The following ESRRG variants were observed in gnomAD, a reference collection of about 807,000 sequenced individuals.
The protein encoded by ESRRG is estrogen related receptor gamma.
ESRRG carries 13 observed loss-of-function variants against 44.0 expected under a neutral mutation model. The observed-to-expected ratio is 0.30, with a 90% CI of 0.19 to 0.47. The LOEUF (loss-of-function observed/expected upper bound fraction) is 0.47, where lower values mean the gene tolerates loss of function less well. Ranked by LOEUF, ESRRG falls within the 20% of genes least tolerant of loss-of-function variation. ESRRG has a pLI of 1.00. For synonymous variants in ESRRG, 215 were observed against 214.6 expected, an observed-to-expected ratio of 1.00 and a Z score of -0.02; for missense variants, 395 against 580.6, an observed-to-expected ratio of 0.68 and a Z score of 3.29.
chr1:216,508,716 G>GA (rs1398187337), intron 6 of ESRRG, among the ~76,000 whole-genome samples: 1 of 152,158 alleles, frequency 6.6e-6, no homozygotes, highest in African/African-American at 2.4e-5. Context: ...CTTAGGGACA[G>GA]AAAAACATTC....
chr1:217,062,200 A>G (rs6684903), intron 1 of ESRRG, among the ~76,000 whole-genome samples: 38,384 of 151,922 alleles, frequency 0.25, 5,038 homozygotes, highest in Admixed American at 0.34. Context: ...TAATATTTGG[A>G]ATGTCACGCA....
At chr1:216,624,864 T>C (rs1295435071) in intron 3 of ESRRG, among the ~76,000 whole-genome samples, 1 of 152,200 alleles carries the variant, frequency 6.6e-6, no homozygotes, top group East Asian at 1.9e-4. Context: ...GTACTCTAAA[T>C]ATTAATTAAG....
intron 2 of ESRRG, among the ~76,000 whole-genome samples, chr1:216,845,498 T>C (rs2095729784): frequency 6.6e-6 from 1 of 152,200 alleles, no homozygotes; most frequent in Non-Finnish European, 1.5e-5. Flanking sequence ...AAGAAAAGTC[T>C]GGCTTAGAGA....
intron 2 of ESRRG, among the ~76,000 whole-genome samples, chr1:216,776,146 T>C (rs2093606618): frequency 6.6e-6 from 1 of 152,070 alleles, no homozygotes; most frequent in Non-Finnish European, 1.5e-5. Context: ...ACAAGGTGCT[T>C]TTTGGTCTGG....
intron 1 of ESRRG, among the ~76,000 whole-genome samples, chr1:216,964,405 C>T (rs2069791053): frequency 6.6e-6 from 1 of 152,116 alleles, no homozygotes; most frequent in Admixed American, 6.6e-5. Context: ...CCCCCATCCC[C>T]AAAGGACACT....
chr1:216,534,668 C>T (rs550689395), intron 5 of ESRRG, among the ~76,000 whole-genome samples: 4 of 152,248 alleles, frequency 2.6e-5, no homozygotes, highest in East Asian at 3.9e-4. Context: ...TTCTGCTTAA[C>T]GTATTTCTGA....
chr1:217,070,688 A>G (rs1229546376), intron 1 of ESRRG, among the ~76,000 whole-genome samples: 1 of 152,220 alleles, frequency 6.6e-6, no homozygotes, highest in Non-Finnish European at 1.5e-5. Context: ...GACCAATGTT[A>G]AAATCTGGAA....
intron 2 of ESRRG, among the ~76,000 whole-genome samples, chr1:216,788,248 T>G (rs190703310): frequency 5.4e-4 from 82 of 152,188 alleles, no homozygotes; most frequent in Middle Eastern, 3.4e-3. Context: ...GAAGGAGAAG[T>G]CAATTCCTGA....
At chr1:216,538,597 G>C (rs2051718572) in intron 5 of ESRRG, among the ~76,000 whole-genome samples, 1 of 152,054 alleles carries the variant, frequency 6.6e-6, no homozygotes, top group African/African-American at 2.4e-5. Context: ...AGCTTGAAGA[G>C]TTTGAGAGAG....
intron 3 of ESRRG, among the ~76,000 whole-genome samples, chr1:216,635,419 T>C (rs554077141): frequency 2.6e-5 from 4 of 152,330 alleles, no homozygotes; most frequent in African/African-American, 9.6e-5. Flanking sequence ...AATATGGTTG[T>C]TAAATATTCT....
chr1:216,948,406 G>A (rs746307990), intron 1 of ESRRG, among the ~76,000 whole-genome samples: 16 of 148,822 alleles, frequency 1.1e-4, no homozygotes, highest in Non-Finnish European at 2.2e-4. Context: ...GAACCTGGGA[G>A]GCAGAGATTG....
intron 2 of ESRRG, among the ~76,000 whole-genome samples, chr1:216,773,315 TG>T (rs930812792): frequency 3.9e-5 from 6 of 152,250 alleles, no homozygotes; most frequent in South Asian, 2.1e-4. Context: ...AGCTTGCTTT[TG>T]GTTTAAAACT....
chr1:217,064,851 G>A (rs539080498), intron 1 of ESRRG, among the ~76,000 whole-genome samples: 1 of 152,076 alleles, frequency 6.6e-6, no homozygotes, highest in Non-Finnish European at 1.5e-5. Flanking sequence ...ACCCTACCCT[G>A]GTTATGCTAG....
At chr1:216,601,324 AGGGC>A (rs1278655911) in intron 3 of ESRRG, among the ~76,000 whole-genome samples, 1 of 151,956 alleles carries the variant, frequency 6.6e-6, no homozygotes, top group East Asian at 1.9e-4. Context: ...GCCACCGCGG[AGGGC>A]GCTGCGCGCG....
intron 1 of ESRRG, among the ~76,000 whole-genome samples, chr1:217,096,028 T>A (rs893000167): frequency 1.3e-5 from 2 of 152,138 alleles, no homozygotes; most frequent in African/African-American, 4.8e-5. Flanking sequence ...CTTAGGAGAG[T>A]CTTAAATAAA....
intron 1 of ESRRG, among the ~76,000 whole-genome samples, chr1:216,962,916 G>T (rs1394382606): frequency 1.3e-5 from 2 of 152,184 alleles, no homozygotes; most frequent in East Asian, 3.9e-4. Flanking sequence ...ATCAGTTCCT[G>T]TGTGCAGAGA....
intron 1 of ESRRG, among the ~76,000 whole-genome samples, chr1:217,046,662 T>G (rs1052344232): frequency 6.6e-6 from 1 of 152,030 alleles, no homozygotes; most frequent in South Asian, 2.1e-4. Flanking sequence ...TGCAGGAGGA[T>G]CTCTTGAGTC....
chr1:216,728,116 T>A (rs2087927354), upstream of ESRRG, among the ~76,000 whole-genome samples: 1 of 152,218 alleles, frequency 6.6e-6, no homozygotes, highest in Non-Finnish European at 1.5e-5. Context: ...AGATACCAAA[T>A]GCATTTTACA....
chr1:216,702,536 G>A (rs1196147980), intron 1 of ESRRG, among the ~76,000 whole-genome samples: 1 of 151,488 alleles, frequency 6.6e-6, no homozygotes, highest in East Asian at 1.9e-4. Context: ...GCCGAGATGG[G>A]TGGATCACTT....
Sources: allele counts gnomAD v4.1 joint callset (sites outside exome capture counted in the v4.1 genomes callset), GRCh38; gene constraint gnomAD v4.1.1; transcripts MANE v1.5; gene names NCBI Gene and HGNC (gene_info 2026-07-23, HGNC 2026-07-21).